Variants in EXT2 observed in about 807,000 individuals in gnomAD.
The protein encoded by EXT2 is exostosin-2.
A neutral mutation model predicts 81.6 loss-of-function variants in EXT2; 53 were observed. The ratio of observed to expected loss-of-function variants is 0.65; its 90% CI spans 0.52 to 0.82. The LOEUF is 0.82. EXT2 is among the 40% of genes least tolerant of loss of function. The pLI, the probability that EXT2 is intolerant of heterozygous loss-of-function variation, is 0.00. For missense variants in EXT2, 774 were observed against 910.2 expected (o/e 0.85, Z 1.93); for synonymous variants, 320 against 340.0 (o/e 0.94, Z 0.65).
At chr11:44,181,032 CGGAG>C (rs1319553710) in intron 8 of EXT2, among the ~76,000 whole-genome samples, 1 of 151,414 alleles carries the variant, frequency 6.6e-6, no homozygotes, top group African/African-American at 2.4e-5. Flanking sequence ...AGCCAGGAGG[CGGAG>C]GTTGCAGGGA....
At chr11:44,132,114 T>A (rs1375416053) in intron 7 of EXT2, among the ~76,000 whole-genome samples, 1 of 152,250 alleles carries the variant, frequency 6.6e-6, no homozygotes, top group African/African-American at 2.4e-5. Context: ...CAGAGACTAT[T>A]TTATACTAGA....
intron 9 of EXT2, among the ~76,000 whole-genome samples, chr11:44,206,214 A>T (rs1955580980): frequency 6.6e-6 from 1 of 152,238 alleles, no homozygotes; most frequent in Non-Finnish European, 1.5e-5. Context: ...TTTTAGCGGC[A>T]CCAAAAGCTG....
rs1360072667 is a variant in EXT2, at chr11:44,250,118, T to TA, written c.*5832dup. Among the ~76,000 whole-genome samples, 1 of 152,196 alleles carries TA rather than the reference T, an allele frequency of 6.6e-6. No individual in the cohort carries two copies. Among genetic ancestry groups the TA allele is most frequent in the Non-Finnish European group, 1.5e-5 (1 of 68,030 alleles). The stretch of plus-strand genomic sequence containing the variant: ...CAGGCAGTGTGGTAGGCCCAAGAGA[T>TA]ATAGCAATTAGAGTTGACTAAGACA... On this transcript the variant is annotated 3_prime_UTR_variant, in exon 14 of 14. Transcript: ENST00000533608.
chr11:44,111,813 TG>T (rs1954147906), intron 3 of EXT2, among the ~76,000 whole-genome samples: 1 of 152,200 alleles, frequency 6.6e-6, no homozygotes, highest in Admixed American at 6.5e-5. Flanking sequence ...ATCAGATCCT[TG>T]CATCTGTAAA....
chr11:44,234,147 T>A lies in EXT2; in HGVS notation c.1839T>A (p.Pro613=), dbSNP rs1461136721. The change falls in exon 12 of 14, where the codon CCT becomes CCA. Residue 613 remains proline, a synonymous_variant. Coordinates refer to ENST00000533608, the MANE Select transcript of EXT2 (RefSeq NM_207122.2). ...YFNYLYTYKM[P]GDIKNWVDAH... ...ATTACCTGTATACCTACAAAATGCC[T>A]GGGGATATCAAGAACTGGGTAGATG... 5.0e-6 allele frequency: 8 copies of A among 1,614,008 alleles called. No homozygotes were observed. The highest frequency in any genetic ancestry group is 6.8e-6 in the Non-Finnish European group (8 of 1,180,012).
intron 8 of EXT2, among the ~76,000 whole-genome samples, chr11:44,177,146 C>G (rs140752925): frequency 6.6e-6 from 1 of 152,068 alleles, no homozygotes; most frequent in South Asian, 2.1e-4. Context: ...AGAGATTGAC[C>G]TTTTGTTTTG....
chr11:44,112,305 T>TAA (rs1243038336), intron 3 of EXT2, among the ~76,000 whole-genome samples: 1 of 152,202 alleles, frequency 6.6e-6, no homozygotes, highest in Admixed American at 6.5e-5. Flanking sequence ...TGCAAAGTGC[T>TAA]AAAAATGCTG....
intron 7 of EXT2, among the ~76,000 whole-genome samples, chr11:44,153,264 T>C (rs1488327893): frequency 2.6e-5 from 4 of 152,222 alleles, no homozygotes; most frequent in Admixed American, 6.5e-5. Flanking sequence ...ATTTCATTGT[T>C]TTCAGTGCTA....
chr11:44,169,994 C>CA (rs1334802041), intron 7 of EXT2, among the ~76,000 whole-genome samples: 1 of 151,954 alleles, frequency 6.6e-6, no homozygotes, highest in East Asian at 1.9e-4. Context: ...TGCAGGCAGA[C>CA]AAAAACCAAT....
At chr11:44,130,432 C>T (rs1274791745) in intron 7 of EXT2, among the ~76,000 whole-genome samples, 1 of 152,162 alleles carries the variant, frequency 6.6e-6, no homozygotes, top group South Asian at 2.1e-4. Context: ...AGGTGATAGT[C>T]GTAGTGACTA....
chr11:44,103,899 C>T (rs1954019623), intron 1 of EXT2, among the ~76,000 whole-genome samples: 1 of 152,034 alleles, frequency 6.6e-6, no homozygotes. Flanking sequence ...TCCTTGAATT[C>T]TTGATTAATC....
intron 7 of EXT2, among the ~76,000 whole-genome samples, chr11:44,133,661 A>G (rs1954525655): frequency 6.6e-6 from 1 of 152,184 alleles, no homozygotes; most frequent in African/African-American, 2.4e-5. Context: ...GCTGCTCTCT[A>G]GAGACCATTT....
Position 44,200,005 on chromosome 11 carries a change from C to T in EXT2, c.1495+1987C>T, listed in dbSNP as rs914079670. ...TTTTAGGTCAGGGCTCTGGCTCTGGCGATGTGGTTGTTTGGGGAGAACATG... is the reference window on the plus strand; with the variant it reads ...TTTTAGGTCAGGGCTCTGGCTCTGGTGATGTGGTTGTTTGGGGAGAACATG... On this transcript the variant is annotated intron_variant, in intron 9 of 13. Transcript: ENST00000533608. Among the ~76,000 whole-genome samples the T allele has an allele frequency of 7.9e-5, 12 of 152,068 alleles. 1 individual carries two copies. The Middle Eastern group carries it at 0.017, about 216-fold the overall frequency.
chr11:44,109,737 G>C (rs1954115938), intron 3 of EXT2, among the ~76,000 whole-genome samples: 2 of 152,124 alleles, frequency 1.3e-5, no homozygotes, highest in Non-Finnish European at 2.9e-5. Flanking sequence ...GGTTCTTTCT[G>C]TCCGTTCCTC....
chr11:44,224,243 G>A (rs6485506), intron 10 of EXT2, among the ~76,000 whole-genome samples: 137,194 of 152,140 alleles, frequency 0.9, 61,941 homozygotes, highest in East Asian at 0.99. Context: ...AAATCTCTCC[G>A]TCCCTAAACT....
intron 7 of EXT2, chr11:44,144,244 C>G: frequency 6.3e-7 from 1 of 1,597,884 alleles, no homozygotes; most frequent in Non-Finnish European, 8.5e-7. Flanking sequence ...ATTCACCTTT[C>G]AGCTCTTCAT....
intron 8 of EXT2, among the ~76,000 whole-genome samples, chr11:44,178,421 G>C (rs1052612102): frequency 2.6e-5 from 4 of 152,048 alleles, no homozygotes; most frequent in African/African-American, 4.8e-5. Flanking sequence ...AACCCTGCGG[G>C]GCTTGGATTA....
intron 8 of EXT2, among the ~76,000 whole-genome samples, chr11:44,192,028 TA>T (rs1193470957): frequency 3.3e-5 from 5 of 152,212 alleles, no homozygotes; most frequent in Admixed American, 6.5e-5. Context: ...CTGTGTAACT[TA>T]AAAAATATAT....
chr11:44,130,917 C>G (rs929458161), intron 7 of EXT2, among the ~76,000 whole-genome samples: 4 of 152,238 alleles, frequency 2.6e-5, no homozygotes, highest in Admixed American at 1.3e-4. Flanking sequence ...AGTTCGGCAC[C>G]CTCAGCCTCA....
Sources: allele counts gnomAD v4.1 joint callset (sites outside exome capture counted in the v4.1 genomes callset), GRCh38; gene constraint gnomAD v4.1.1; transcripts MANE v1.5; gene names NCBI Gene and HGNC (gene_info 2026-07-23, HGNC 2026-07-21).